VCAN: variants seen among roughly 807,000 people sequenced by gnomAD.
VCAN encodes the protein versican core protein.
VCAN carries 44 observed loss-of-function variants against 245.5 expected under a neutral mutation model. That is an observed-to-expected ratio of 0.18 (90% CI 0.14 to 0.23). The LOEUF (loss-of-function observed/expected upper bound fraction) is 0.23. VCAN is among the 10% of genes least tolerant of loss of function. The probability of loss-of-function intolerance (pLI) is 1.00; values close to 1 mark genes in which losing one functional copy is unlikely to be tolerated. For synonymous variants in VCAN, 1,413 were observed against 1,437.0 expected (o/e 0.98, Z 0.38); for missense variants, 3,793 against 4,057.9 (o/e 0.93, Z 1.77).
At position 83,522,026 on chromosome 5, in the gene VCAN, T is replaced by C; in HGVS notation, c.3720T>C (p.Pro1240=). Residue 1240 remains proline (P), a synonymous_variant, in exon 7 of 15, where the codon CCT becomes CCC. Coordinates refer to ENST00000265077, the MANE Select transcript of VCAN (RefSeq NM_004385.5). ...TKKPPLIDRE[P]GEETTSDMVI... ...AACCACCTCTCATCGACAGGGAACC[T>C]GGTGAAGAAACAACCAGTGACATGG... The C allele has an allele frequency of 6.2e-7, 1 of 1,614,216 alleles. No individual in the cohort carries two copies. Among genetic ancestry groups the C allele is most frequent in the Non-Finnish European group, 8.5e-7 (1 of 1,180,040 alleles).
In VCAN at chr5:83,540,223, G is replaced by T. The variant is rs773591450; in HGVS notation, c.7220G>T (p.Gly2407Val). Residue 2407 changes from glycine to valine, a missense_variant, in exon 8 of 15, where the codon GGT becomes GTT. By Grantham distance (109) the Gly-to-Val change is moderately radical. Around this residue, in one of 5 missense-constraint regions of VCAN, gnomAD observed 3,182 missense variants for 3,250.3 expected, o/e 0.98. Transcript: ENST00000265077. ...SSTDFLARAY[G>V]FEMAKEFVTS... ...ACTGATTTTCTGGCTAGAGCTTATG[G>T]TTTTGAAATGGCCAAAGAATTTGTT... The T allele has an allele frequency of 6.2e-7, 1 of 1,614,044 alleles. No individual in the cohort carries two copies. The highest frequency in any genetic ancestry group is 1.1e-5 in the South Asian group (1 of 91,086).
At chr5:83,545,338 G>GAATTGAATCCCAGA (rs1240516134) in intron 8 of VCAN, among the ~76,000 whole-genome samples, 199 bp from the exon 9 acceptor site, 1 of 152,132 alleles carries the variant, frequency 6.6e-6, no homozygotes, top group African/African-American at 2.4e-5. Flanking sequence ...GAAATGAATA[G>GAATTGAATCCCAGA]ATGCAATTTG....
At chr5:83,561,219 A>G (rs188117890) in intron 12 of VCAN, among the ~76,000 whole-genome samples, 51 of 152,148 alleles carry the variant, frequency 3.4e-4, no homozygotes, top group Middle Eastern at 3.4e-3. Context: ...TCCATTCTAC[A>G]GTTGGGAGAA....
intron 7 of VCAN, among the ~76,000 whole-genome samples, chr5:83,523,301 A>T (rs186399552): frequency 6.6e-6 from 1 of 152,216 alleles, no homozygotes; most frequent in East Asian, 1.9e-4. Flanking sequence ...AGAAATTACG[A>T]TCATGGATTT....
At chr5:83,519,002 A>G (rs1447835869) in intron 6 of VCAN, among the ~76,000 whole-genome samples, 3 of 152,184 alleles carry the variant, frequency 2.0e-5, no homozygotes, top group African/African-American at 7.2e-5. Context: ...TAAATAAACA[A>G]TCTACTGTAT....
At chr5:83,494,123 G>A (rs1366768268) in intron 5 of VCAN, among the ~76,000 whole-genome samples, 192 bp downstream of exon 5, 1 of 152,176 alleles carries the variant, frequency 6.6e-6, no homozygotes, top group African/African-American at 2.4e-5. Flanking sequence ...GTGTGTAAAT[G>A]GTTATGCAGG....
chr5:83,481,981 AG>A (rs1744629601), intron 1 of VCAN, among the ~76,000 whole-genome samples: 1 of 152,206 alleles, frequency 6.6e-6, no homozygotes, highest in Non-Finnish European at 1.5e-5. Flanking sequence ...GAAGTTTTTC[AG>A]GGTCCCAGCT....
chr5:83,540,616 A>T lies in VCAN; in HGVS notation c.7613A>T (p.Lys2538Ile). Residue 2538 changes from lysine (K) to isoleucine (I), a missense_variant, in exon 8 of 15, where the codon AAA becomes ATA. Lys to Ile is a moderately radical substitution (Grantham distance 102, BLOSUM62 -3). Coordinates refer to ENST00000265077, the MANE Select transcript of VCAN (RefSeq NM_004385.5). ...EDSTLKPNRK[K>I]PTENIIIDLD... ...TCCACCTTAAAACCTAACAGAAAAA[A>T]ACCCACTGAAAATATTATCATAGAC... 1 of 1,613,912 alleles carries T rather than the reference A, an allele frequency of 6.2e-7. No individual in the cohort carries two copies.
chr5:83,554,961 G>A lies in VCAN; in HGVS notation c.9658G>A (p.Gly3220Ser). 1 of 1,613,512 alleles carries A rather than the reference G, an allele frequency of 6.2e-7. No homozygotes were observed. Among genetic ancestry groups the A allele is most frequent in the Non-Finnish European group, 8.5e-7 (1 of 1,179,596 alleles). The change falls in exon 12 of 15, where the codon GGC (glycine) becomes AGC (serine). Residue 3220 changes from glycine (G) to serine (S), a missense_variant. Gly to Ser is a moderately conservative substitution (Grantham distance 56, BLOSUM62 0). Around this residue, in one of 5 missense-constraint regions of VCAN, gnomAD observed 205 missense variants for 321.1 expected, o/e 0.64. Coordinates refer to ENST00000265077, the MANE Select transcript of VCAN (RefSeq NM_004385.5). ...HEEQMFVNRV[G>S]HDYQWIGLND... ...TGTGGTTTCCTATCCCTTAGGTGTG[G>A]GCCATGATTATCAGTGGATAGGCCT...
intron 12 of VCAN, 94 bp downstream of exon 12, chr5:83,555,132 G>T (rs1307510964): frequency 1.5e-5 from 20 of 1,333,330 alleles, no homozygotes; most frequent in Non-Finnish European, 1.9e-5. Context: ...TTAGACTGGA[G>T]GCAAGTTAAA....
chr5:83,540,000 A>G lies in VCAN; in HGVS notation c.6997A>G (p.Ile2333Val). ...TGGGTCAGTAACCAGCACAACATTA[A>G]TAGAAATTTTAAGTGACACTGGAGC... Reference protein sequence around the residue: ...GSGSVTSTTLIEILSDTGAEG... With the variant: ...GSGSVTSTTLVEILSDTGAEG... Residue 2333 changes from isoleucine (I) to valine (V), a missense_variant, in exon 8 of 15, where the codon ATA becomes GTA. Ile to Val is a conservative substitution (Grantham distance 29, BLOSUM62 3). Coordinates refer to ENST00000265077, the MANE Select transcript of VCAN (RefSeq NM_004385.5). 2.5e-6 allele frequency: 4 copies of G among 1,614,110 alleles called. No homozygotes were observed. The South Asian group carries it at 4.4e-5, about 18-fold the overall frequency.
chr5:83,519,300 G>C lies in VCAN; in HGVS notation c.1043-49G>C, dbSNP rs757675643. The C allele has an allele frequency of 1.9e-6, 3 of 1,602,344 alleles. No individual in the cohort carries two copies. The South Asian group carries it at 3.3e-5, about 18-fold the overall frequency. ...CACTTAACAAACACTGGGCATACAAGTTTTTATTAGTGACTTGTCTAATCA... is the reference window on the plus strand; with the variant it reads ...CACTTAACAAACACTGGGCATACAACTTTTTATTAGTGACTTGTCTAATCA... On this transcript the variant is annotated intron_variant, in intron 6 of 14. Coordinates refer to ENST00000265077, the MANE Select transcript of VCAN (RefSeq NM_004385.5).
chr5:83,480,508 G>A (rs887884399), intron 1 of VCAN, among the ~76,000 whole-genome samples: 3 of 152,148 alleles, frequency 2.0e-5, no homozygotes, highest in Non-Finnish European at 4.4e-5. Flanking sequence ...CAGGTGTTAA[G>A]GAATTGTTGG....
chr5:83,536,283 T>C (rs888808366), intron 7 of VCAN: 1 of 152,162 alleles, frequency 6.6e-6, no homozygotes, highest in African/African-American at 2.4e-5. Flanking sequence ...CTCTTTCTGG[T>C]CCTTTCAGTG....
Position 83,553,368 on chromosome 5 carries a change from C to A in VCAN, c.9498C>A (p.Thr3166=). The A allele has an allele frequency of 6.2e-7, 1 of 1,613,948 alleles. No homozygotes were observed. Among genetic ancestry groups the A allele is most frequent in the South Asian group, 1.1e-5 (1 of 91,074 alleles). Residue 3166 remains threonine, a synonymous_variant, in exon 11 of 15, where the codon ACC becomes ACA. Transcript: ENST00000265077. Reference sequence around the variant, plus strand: ...CTCCTGCCTGTTTCTTCTCAGATACCGAGACATGTGACTATGGCTGGCACA... The same window carrying A: ...CTCCTGCCTGTTTCTTCTCAGATACAGAGACATGTGACTATGGCTGGCACA... ...SYVGALCEQD[T]ETCDYGWHKF...
rs771524517 is a variant in VCAN at position 83,520,772 on chromosome 5, C to G, written c.2466C>G (p.Ala822=). 5 of 1,614,106 alleles carry G rather than the reference C, an allele frequency of 3.1e-6. No homozygotes were observed. Among genetic ancestry groups the G allele is most frequent in the Non-Finnish European group, 4.2e-6 (5 of 1,179,984 alleles). The change falls in exon 7 of 15, where the codon GCC becomes GCG. Residue 822 remains alanine, a synonymous_variant. Transcript: ENST00000265077. ...CTTTAGAGTCTACAGAACCTTCAGCCTCTTCAAAATTGCCCCCTGCCTTAC... is the reference window on the plus strand; with the variant it reads ...CTTTAGAGTCTACAGAACCTTCAGCGTCTTCAAAATTGCCCCCTGCCTTAC... ...SKPLESTEPS[A]SSKLPPALLT...
rs556499160 is a variant in VCAN, at chr5:83,545,484, G to A, written c.9266-53G>A. On this transcript the variant is annotated intron_variant, in intron 8 of 14. Transcript: ENST00000265077. Reference sequence around the variant, plus strand: ...TGGGGCGTTTTATGCTAAAATACACGCAAACATTAGAGACGAGCCTAACTG... The same window carrying A: ...TGGGGCGTTTTATGCTAAAATACACACAAACATTAGAGACGAGCCTAACTG... 2.0e-4 allele frequency: 288 copies of A among 1,476,376 alleles called. 1 individual carries two copies. Among genetic ancestry groups the A allele is most frequent in the Admixed American group, 6.2e-4 (37 of 59,818 alleles). The allele number at this position is 1,476,376 out of a possible 1,614,324, so 91.5% of individuals were successfully genotyped here.
intron 1 of VCAN, among the ~76,000 whole-genome samples, chr5:83,482,044 C>T (rs139414063): frequency 1.1e-3 from 171 of 152,250 alleles, no homozygotes; most frequent in Middle Eastern, 0.01. Flanking sequence ...CAAAAAGTCA[C>T]GATTTTATTG....
At chr5:83,514,851 G>A (rs1461426836) in intron 6 of VCAN, among the ~76,000 whole-genome samples, 1 of 152,162 alleles carries the variant, frequency 6.6e-6, no homozygotes, top group African/African-American at 2.4e-5. Context: ...ACTAAATTCT[G>A]TAGGGTAAAA....
Sources: gnomAD v4.1 joint callset for allele counts (sites outside exome capture counted in the v4.1 genomes callset) on GRCh38, gnomAD v4.1.1 for gene constraint, gnomAD v4.1.1 regional missense constraint, MANE v1.5 for transcripts, NCBI Gene and HGNC (gene_info 2026-07-23, HGNC 2026-07-21) for gene names.